Variants in H3C6 observed in about 807,000 individuals in gnomAD.
H3C6 encodes the protein histone H3.1.
A neutral mutation model predicts 8.0 loss-of-function variants in H3C6; 17 were observed. The observed-to-expected ratio is 2.13, with a 90% CI of 1.46 to 3.19. The LOEUF (loss-of-function observed/expected upper bound fraction) is 3.19, where lower values mean the gene tolerates loss of function less well. Among genes scored for constraint, H3C6 ranks in the 30% most tolerant of loss-of-function variants. H3C6 has a pLI of 0.00. For synonymous variants in H3C6, 169 were observed against 78.0 expected (o/e 2.17, Z -6.15); for missense variants, 298 against 193.8 (o/e 1.54, Z -3.19).
Position 26,225,185 on chromosome 6 carries a change from T to C in H3C6, c.31T>C (p.Ser11Pro). The part of the protein sequence containing the change: MARTKQTARK[S>P]TGGKAPRKQL... ...GCGTACTAAGCAGACGGCTCGTAAA[T>C]CCACAGGCGGTAAAGCACCGCGCAA... Residue 11 changes from serine (S) to proline (P), a missense_variant, in exon 1 of 1, where the codon TCC becomes CCC. Transcript: ENST00000614911. 1 of 1,583,466 alleles carries C rather than the reference T, an allele frequency of 6.3e-7. No individual in the cohort carries two copies. The highest frequency in any genetic ancestry group is 8.6e-7 in the Non-Finnish European group (1 of 1,166,570).
downstream of H3C6, chr6:26,225,692 GA>G (rs1759530117): frequency 8.6e-7 from 1 of 1,166,812 alleles, no homozygotes; most frequent in Admixed American, 2.7e-5. Context: ...ATAGACATTT[GA>G]AATAGTGGCA....
Position 26,225,542 on chromosome 6 carries a change from C to A in H3C6, c.388C>A (p.Arg130Ser). Reference protein sequence around the residue: ...IMPKDIQLARRIRGERA With the variant: ...IMPKDIQLARSIRGERA Reference sequence around the variant, plus strand: ...GCCTAAAGACATCCAGCTTGCCCGCCGCATTCGTGGGGAGAGGGCGTGAAT... The same window carrying A: ...GCCTAAAGACATCCAGCTTGCCCGCAGCATTCGTGGGGAGAGGGCGTGAAT... Residue 130 changes from arginine (R) to serine (S), a missense_variant, in exon 1 of 1, where the codon CGC (arginine) becomes AGC (serine). Transcript: ENST00000614911. 2 of 1,613,878 alleles carry A rather than the reference C, an allele frequency of 1.2e-6. No individual in the cohort carries two copies. The highest frequency in any genetic ancestry group is 1.7e-6 in the Non-Finnish European group (2 of 1,179,870).
downstream of H3C6, chr6:26,226,165 G>C (rs539525537): frequency 6.6e-6 from 1 of 152,534 alleles, no homozygotes; most frequent in African/African-American, 2.4e-5. Flanking sequence ...AAGGTTATTA[G>C]CTGGAACACC....
downstream of H3C6, chr6:26,227,473 A>G (rs1415034047): frequency 2.0e-5 from 3 of 152,188 alleles, no homozygotes; most frequent in Non-Finnish European, 4.4e-5. Context: ...ACTGAACAGA[A>G]TTTAACATTG....
At chr6:26,227,226 A>G (rs1159587685), downstream of H3C6, 1 of 152,240 alleles carries the variant, frequency 6.6e-6, no homozygotes, top group East Asian at 1.9e-4. Context: ...AGATAGAAGC[A>G]TTCTCTATTT....
chr6:26,225,409 C>T lies in H3C6; in HGVS notation c.255C>T (p.Phe85=). 9 of 1,614,276 alleles carry T rather than the reference C, an allele frequency of 5.6e-6. No homozygotes were observed. Among genetic ancestry groups the T allele is most frequent in the Non-Finnish European group, 7.6e-6 (9 of 1,180,042 alleles). The part of the protein sequence containing the change: ...IAQDFKTDLR[F]QSSAVMALQE... ...AGGACTTCAAGACCGACCTGCGCTT[C>T]CAGAGTTCCGCGGTGATGGCGCTGC... Residue 85 remains phenylalanine (F), a synonymous_variant, in exon 1 of 1, where the codon TTC becomes TTT. Transcript: ENST00000614911.
At chr6:26,226,218 C>G (rs1381650467), downstream of H3C6, 1 of 152,242 alleles carries the variant, frequency 6.6e-6, no homozygotes, top group Non-Finnish European at 1.5e-5. Flanking sequence ...GACTTGACAG[C>G]CTTGCATAGG....
Position 26,225,337 on chromosome 6 carries a change from T to G in H3C6, c.183T>G (p.Leu61=). ...EIRRYQKSTE[L]LIRKLPFQRL... Reference sequence around the variant, plus strand: ...GTCGCTACCAGAAGTCTACCGAGCTTCTAATCCGGAAGCTGCCGTTTCAGC... The same window carrying G: ...GTCGCTACCAGAAGTCTACCGAGCTGCTAATCCGGAAGCTGCCGTTTCAGC... The change falls in exon 1 of 1, where the codon CTT becomes CTG. Residue 61 remains leucine, a synonymous_variant. Transcript: ENST00000614911. 1 of 1,614,218 alleles carries G rather than the reference T, an allele frequency of 6.2e-7. No homozygotes were observed. The highest frequency in any genetic ancestry group is 8.5e-7 in the Non-Finnish European group (1 of 1,180,022).
chr6:26,225,820 G>A (rs769490969), downstream of H3C6: 118 of 413,496 alleles, frequency 2.9e-4, 1 homozygote, highest in Non-Finnish European at 4.7e-4. Context: ...TTGTTTTGCT[G>A]TTCAGGCCCT....
At chr6:26,226,175 C>G (rs746033068), downstream of H3C6, 1 of 152,404 alleles carries the variant, frequency 6.6e-6, no homozygotes, top group Non-Finnish European at 1.5e-5. Flanking sequence ...GCTGGAACAC[C>G]TAGACCCGTG....
chr6:26,226,851 GTTTA>G (rs1218976075), downstream of H3C6: 1 of 152,136 alleles, frequency 6.6e-6, no homozygotes, highest in Non-Finnish European at 1.5e-5. Flanking sequence ...GAAGAATTTT[GTTTA>G]TTTAAACATT....
chr6:26,225,101 C>T (rs1765597345), upstream of H3C6: 1 of 1,508,648 alleles, frequency 6.6e-7, no homozygotes, highest in Admixed American at 2.3e-5. Flanking sequence ...TGATTCTGTT[C>T]CTATATAGAG....
chr6:26,225,643 C>CT, downstream of H3C6: 2 of 1,503,766 alleles, frequency 1.3e-6, no homozygotes, highest in Non-Finnish European at 1.8e-6. Flanking sequence ...GGCTGTAATC[C>CT]TTTGAGACGC....
rs201329172 is a variant in H3C6, at chr6:26,225,194, G to T, written c.40G>T (p.Gly14Cys). The change falls in exon 1 of 1, where the codon GGT becomes TGT. Residue 14 changes from glycine to cysteine, a missense_variant. Transcript: ENST00000614911. ...GCAGACGGCTCGTAAATCCACAGGC[G>T]GTAAAGCACCGCGCAAACAGCTGGC... The part of the protein sequence containing the change: ...TKQTARKSTG[G>C]KAPRKQLATK... 1.3e-6 allele frequency: 2 copies of T among 1,592,692 alleles called. No individual in the cohort carries two copies. Among genetic ancestry groups the T allele is most frequent in the South Asian group, 2.3e-5 (2 of 88,360 alleles).
chr6:26,226,438 C>A (rs576900783), downstream of H3C6: 1 of 152,310 alleles, frequency 6.6e-6, no homozygotes, highest in Non-Finnish European at 1.5e-5. Flanking sequence ...GTTGCCCAGG[C>A]TGGAGTGCAT....
downstream of H3C6, chr6:26,225,744 GC>G: frequency 1.2e-6 from 1 of 805,060 alleles, no homozygotes; most frequent in Non-Finnish European, 1.9e-6. Flanking sequence ...CCAAATTTAA[GC>G]GCTCCCTCAG....
rs754098680 is a variant in H3C6, at chr6:26,225,312, G to A, written c.158G>A (p.Arg53His). 1 of 1,614,236 alleles carries A rather than the reference G, an allele frequency of 6.2e-7. No homozygotes were observed. The highest frequency in any genetic ancestry group is 2.2e-5 in the East Asian group (1 of 44,888). The stretch of plus-strand genomic sequence containing the variant: ...GGCACCGTGGCTCTGCGCGAGATCC[G>A]TCGCTACCAGAAGTCTACCGAGCTT... ...RPGTVALREIRRYQKSTELLI... is the reference protein window; with the variant it reads ...RPGTVALREIHRYQKSTELLI... The change falls in exon 1 of 1, where the codon CGT becomes CAT. Residue 53 changes from arginine to histidine, a missense_variant. Transcript: ENST00000614911.
At chr6:26,225,795 T>C (rs1759534103), downstream of H3C6, 2 of 490,470 alleles carry the variant, frequency 4.1e-6, no homozygotes, top group South Asian at 2.8e-5. Flanking sequence ...CTGTTCTCCA[T>C]TGGTTTAGCT....
At chr6:26,225,888 C>T (rs774537959), downstream of H3C6, 4 of 218,888 alleles carry the variant, frequency 1.8e-5, no homozygotes, top group African/African-American at 2.3e-5. Context: ...TTAATTGTAC[C>T]CTGCTTAACC....
Sources: gnomAD v4.1 joint callset for allele counts on GRCh38, gnomAD v4.1.1 for gene constraint, MANE v1.5 for transcripts, NCBI Gene and HGNC (gene_info 2026-07-23, HGNC 2026-07-21) for gene names.